Variants in SLC12A2 observed in about 807,000 individuals in gnomAD.
SLC12A2 encodes Na-K-2Cl cotransporter 1.
Under a neutral mutation model 136.3 loss-of-function variants are expected in SLC12A2, and 67 were observed. The ratio of observed to expected loss-of-function variants is 0.49; its 90% CI spans 0.40 to 0.60. The LOEUF (loss-of-function observed/expected upper bound fraction) is 0.60, where lower values mean the gene tolerates loss of function less well. SLC12A2 is among the 20% of genes least tolerant of loss of function. The probability of loss-of-function intolerance (pLI) is 0.00; values close to 1 mark genes in which losing one functional copy is unlikely to be tolerated. For missense variants in SLC12A2, 1,322 were observed against 1,534.7 expected (o/e 0.86, Z 2.32); for synonymous variants, 619 against 562.9 (o/e 1.10, Z -1.41).
intron 12 of SLC12A2, among the ~76,000 whole-genome samples, 174 bp downstream of exon 12, chr5:128,149,051 C>T (rs1762616737): frequency 6.6e-6 from 1 of 151,686 alleles, no homozygotes; most frequent in Non-Finnish European, 1.5e-5. Flanking sequence ...GAAATTATTG[C>T]CATTACTAAG....
chr5:128,127,053 C>A (rs72794377), intron 4 of SLC12A2, among the ~76,000 whole-genome samples: 1 of 122,790 alleles, frequency 8.1e-6, no homozygotes, highest in South Asian at 2.8e-4. Flanking sequence ...TCGTTTCTGT[C>A]GAATTTTACT....
intron 1 of SLC12A2, among the ~76,000 whole-genome samples, chr5:128,108,383 G>A (rs558573623): frequency 6.6e-6 from 1 of 152,054 alleles, no homozygotes; most frequent in African/African-American, 2.4e-5. Flanking sequence ...ATTCATAATA[G>A]CCAAAAAGTA....
At chr5:128,163,497 C>A (rs1297595367) in intron 17 of SLC12A2, among the ~76,000 whole-genome samples, 1 of 152,062 alleles carries the variant, frequency 6.6e-6, no homozygotes, top group Non-Finnish European at 1.5e-5. Flanking sequence ...CCACCGCACT[C>A]CAGTTTGGGC....
intron 4 of SLC12A2, among the ~76,000 whole-genome samples, chr5:128,128,531 C>G (rs752591161): frequency 2.0e-5 from 3 of 151,890 alleles, no homozygotes; most frequent in Non-Finnish European, 2.9e-5. Context: ...AACAGAAAGG[C>G]TGATTTACAA....
chr5:128,145,209 CA>C (rs1762491599), intron 10 of SLC12A2, among the ~76,000 whole-genome samples: 2 of 152,064 alleles, frequency 1.3e-5, no homozygotes, highest in Non-Finnish European at 2.9e-5. Flanking sequence ...ATTGTTTCCT[CA>C]ACATGGAAGA....
chr5:128,120,143 C>T (rs1403095813), intron 4 of SLC12A2, among the ~76,000 whole-genome samples: 2 of 151,926 alleles, frequency 1.3e-5, no homozygotes, highest in Admixed American at 6.6e-5. Flanking sequence ...GAAACGCAAA[C>T]CAAAACCACA....
chr5:128,121,639 A>G (rs926520332), intron 4 of SLC12A2, among the ~76,000 whole-genome samples: 7 of 152,040 alleles, frequency 4.6e-5, no homozygotes, highest in Non-Finnish European at 8.8e-5. Flanking sequence ...GGTACTATTT[A>G]AAGTTACTGG....
chr5:128,110,661 C>G, intron 1 of SLC12A2: 1 of 1,245,572 alleles, frequency 8.0e-7, no homozygotes, highest in South Asian at 1.2e-5. Context: ...AGCCAAGACT[C>G]CGTCTACTAT....
At position 128,097,849 on chromosome 5, in the gene SLC12A2, T is replaced by G. The variant is rs117602742; in HGVS notation, c.756+13139T>G. On this transcript the variant is annotated intron_variant, in intron 1 of 26. Transcript: ENST00000262461. ...TGTTTATCAGATTGCTTCCCTTCCTTGGGCACTTCTTGTAATGGAGGTCAG... is the reference window on the plus strand; with the variant it reads ...TGTTTATCAGATTGCTTCCCTTCCTGGGGCACTTCTTGTAATGGAGGTCAG... 9.2e-5 allele frequency among the ~76,000 whole-genome samples: 14 copies of G among 152,244 alleles called. No homozygotes were observed. The East Asian group carries it at 2.7e-3, about 29-fold the overall frequency.
chr5:128,112,405 A>T (rs762150782), intron 1 of SLC12A2, among the ~76,000 whole-genome samples: 1 of 152,196 alleles, frequency 6.6e-6, no homozygotes, highest in Non-Finnish European at 1.5e-5. Context: ...AGGAGTTTTA[A>T]GTTGTTAATG....
chr5:128,136,853 T>C (rs991922516), intron 7 of SLC12A2, among the ~76,000 whole-genome samples: 3 of 152,144 alleles, frequency 2.0e-5, no homozygotes, highest in Admixed American at 6.6e-5. Context: ...TATTCCTGAA[T>C]CTCTCCTTTA....
chr5:128,114,587 T>C lies in SLC12A2; in HGVS notation c.954T>C (p.Gly318=). 1 of 1,594,510 alleles carries C rather than the reference T, an allele frequency of 6.3e-7. No homozygotes were observed. Among genetic ancestry groups the C allele is most frequent in the Non-Finnish European group, 8.6e-7 (1 of 1,162,534 alleles). ...LSWIVGQAGI[G]LSVLVIMMAT... ...CATTGTCTTTCTTTCTTCGTAAAGGTCTATCAGTCCTTGTAATAATGATGG... is the reference window on the plus strand; with the variant it reads ...CATTGTCTTTCTTTCTTCGTAAAGGCCTATCAGTCCTTGTAATAATGATGG... Residue 318 remains glycine, a splice_region_variant and synonymous_variant, in exon 4 of 27, where the codon GGT becomes GGC. Transcript: ENST00000262461.
intron 1 of SLC12A2, among the ~76,000 whole-genome samples, chr5:128,108,887 T>TG (rs1369159907): frequency 1.3e-5 from 2 of 152,204 alleles, no homozygotes; most frequent in Non-Finnish European, 2.9e-5. Context: ...TCCATAAGCC[T>TG]GGGGGCATCC....
At chr5:128,087,487 A>G (rs1159995531) in intron 1 of SLC12A2, among the ~76,000 whole-genome samples, 1 of 152,230 alleles carries the variant, frequency 6.6e-6, no homozygotes, top group East Asian at 1.9e-4. Context: ...GAAGTATGAC[A>G]TTGAAGCTGA....
chr5:128,122,720 A>G (rs1761634569), intron 4 of SLC12A2, among the ~76,000 whole-genome samples: 1 of 152,158 alleles, frequency 6.6e-6, no homozygotes, highest in South Asian at 2.1e-4. Flanking sequence ...CTGTGACAGA[A>G]AAGTGCTTTC....
At chr5:128,176,864 T>C (rs1391086791) in intron 20 of SLC12A2, among the ~76,000 whole-genome samples, 1 of 151,998 alleles carries the variant, frequency 6.6e-6, no homozygotes, top group Non-Finnish European at 1.5e-5. Flanking sequence ...TAAAAAGTAA[T>C]TTTACAGAAA....
At position 128,189,302 on chromosome 5, in the gene SLC12A2, C is replaced by T. The variant is rs907387212; in HGVS notation, c.*2671C>T. On this transcript the variant is annotated 3_prime_UTR_variant, in exon 27 of 27. Transcript: ENST00000262461. ...ATAGCTTGGAAATAAATAATTATGC[C>T]ATGGCATTTGACAGTTCATTATTCC... The T allele has an allele frequency of 6.6e-6, 1 of 151,958 alleles. No individual in the cohort carries two copies. The highest frequency in any genetic ancestry group is 2.1e-4 in the South Asian group (1 of 4,828). The allele number at this position is 151,958 out of a possible 1,614,324, so 9.4% of individuals were successfully genotyped here.
chr5:128,179,585 T>A (rs868517634), intron 22 of SLC12A2, among the ~76,000 whole-genome samples: 1 of 152,172 alleles, frequency 6.6e-6, no homozygotes, highest in Non-Finnish European at 1.5e-5. Context: ...CTTTTACTTA[T>A]GGCAGAAGGC....
chr5:128,109,914 C>T, intron 1 of SLC12A2: 1 of 808,000 alleles, frequency 1.2e-6, no homozygotes, highest in Non-Finnish European at 2.2e-6. Context: ...CAAGATAGTG[C>T]AGCCTGGCTA....
Sources: gnomAD v4.1 joint callset for allele counts (sites outside exome capture counted in the v4.1 genomes callset) on GRCh38, gnomAD v4.1.1 for gene constraint, MANE v1.5 for transcripts, NCBI Gene and HGNC (gene_info 2026-07-23, HGNC 2026-07-21) for gene names.